DAZL: variants seen among roughly 807,000 people sequenced by gnomAD.
DAZL encodes deleted in azoospermia-like.
DAZL carries 4 observed loss-of-function variants against 45.0 expected under a neutral mutation model. That is an observed-to-expected ratio of 0.09 (90% confidence interval 0.04 to 0.20). DAZL has a LOEUF of 0.20. Ranked by LOEUF, DAZL falls within the 10% of genes least tolerant of loss-of-function variation. DAZL has a pLI of 1.00. For missense variants in DAZL, 326 were observed against 351.3 expected (o/e 0.93, Z 0.58); for synonymous variants, 122 against 112.4 (o/e 1.09, Z -0.54).
intron 8 of DAZL, 117 bp downstream of exon 8, chr3:16,594,415 CA>C: frequency 1.3e-6 from 1 of 783,708 alleles, no homozygotes; most frequent in Non-Finnish European, 2.0e-6. Context: ...CACATTAATA[CA>C]AAAAACTATT....
intron 1 of DAZL, 69 bp downstream of exon 1, chr3:16,605,134 C>G: frequency 6.2e-7 from 1 of 1,601,620 alleles, no homozygotes; most frequent in Non-Finnish European, 8.6e-7. Flanking sequence ...TCCGACCCTG[C>G]AGAGCCGAGT....
intron 1 of DAZL, among the ~76,000 whole-genome samples, chr3:16,599,797 G>GA (rs1694655810): frequency 6.6e-6 from 1 of 152,158 alleles, no homozygotes; most frequent in African/African-American, 2.4e-5. Flanking sequence ...ATAGCAGAGT[G>GA]AAACAAAAAT....
At chr3:16,597,316 G>A (rs1326271157) in intron 4 of DAZL, among the ~76,000 whole-genome samples, 174 bp downstream of exon 4, 1 of 152,024 alleles carries the variant, frequency 6.6e-6, no homozygotes, top group Non-Finnish European at 1.5e-5. Flanking sequence ...ATGAACCTAG[G>A]TGCCCAGTCA....
Position 16,605,410 on chromosome 3 carries a change from A to C in DAZL, c.-205T>G, listed in dbSNP as rs1384052491. ...CGAAAGGCGGACCGTCAGGCTGAGG[A>C]GCGCAGGCGGACTGAGGCGTGGTCC... On this transcript the variant is annotated 5_prime_UTR_variant, in exon 1 of 11. Transcript: ENST00000399444. 6.0e-6 allele frequency: 4 copies of C among 664,218 alleles called. No homozygotes were observed. Among genetic ancestry groups the C allele is most frequent in the East Asian group, 2.7e-5 (1 of 36,750 alleles). 41.1% of individuals were successfully genotyped at this position (664,218 alleles called of 1,614,324 possible).
Position 16,604,604 on chromosome 3 carries a change from C to G in DAZL, c.3+599G>C, listed in dbSNP as rs762341468. 2.7e-4 allele frequency: 372 copies of G among 1,382,994 alleles called. 1 individual carries two copies. The highest frequency in any genetic ancestry group is 7.1e-4 in the Admixed American group (22 of 31,104). 85.7% of individuals were successfully genotyped at this position (1,382,994 alleles called of 1,614,324 possible). A position where few individuals can be genotyped will look rare whatever the true frequency, so the allele number is the denominator to read the frequency against. On this transcript the variant is annotated intron_variant, in intron 1 of 10. Transcript: ENST00000399444. The stretch of plus-strand genomic sequence containing the variant: ...TGCCTTCAGGACGCCCCACACCCCA[C>G]GCTGAGGCCCCCACGAACCCCGCCC...
chr3:16,592,758 G>GAAAATTAC (rs1694540466), intron 9 of DAZL, among the ~76,000 whole-genome samples: 1 of 152,124 alleles, frequency 6.6e-6, no homozygotes, highest in Non-Finnish European at 1.5e-5. Context: ...GACAAAACCT[G>GAAAATTAC]AAAATTACAC....
At chr3:16,588,902 T>G (rs1042408611) in intron 10 of DAZL, among the ~76,000 whole-genome samples, 189 bp from the exon 11 acceptor site, 1 of 152,040 alleles carries the variant, frequency 6.6e-6, no homozygotes, top group Non-Finnish European at 1.5e-5. Context: ...ATGGCTAGTT[T>G]TATTAAACAG....
At chr3:16,595,043 AG>A (rs34865385) in intron 7 of DAZL, among the ~76,000 whole-genome samples, 21,264 of 152,078 alleles carry the variant, frequency 0.14, 1,914 homozygotes, top group East Asian at 0.46. Context: ...TTGACAGCAA[AG>A]ATGAAAAAAT....
At chr3:16,599,750 T>C (rs1694655175) in intron 1 of DAZL, among the ~76,000 whole-genome samples, 1 of 152,202 alleles carries the variant, frequency 6.6e-6, no homozygotes, top group Non-Finnish European at 1.5e-5. Context: ...TTTTCTGAAG[T>C]AGAATTTGTA....
intron 3 of DAZL, among the ~76,000 whole-genome samples, 169 bp downstream of exon 3, chr3:16,597,914 AAAAC>A (rs776870963): frequency 3.7e-4 from 56 of 152,366 alleles, no homozygotes; most frequent in South Asian, 8.3e-4. Context: ...AAGATATTCA[AAAAC>A]AAACATTAGA....
intron 3 of DAZL, 98 bp from the exon 4 acceptor site, chr3:16,597,639 T>G (rs74193997): frequency 1.3e-6 from 1 of 777,406 alleles, no homozygotes; most frequent in Non-Finnish European, 2.3e-6. Flanking sequence ...AAAATATGAA[T>G]AATATACTAT....
At position 16,605,393 on chromosome 3, in the gene DAZL, G is replaced by C. The variant is rs928695225; in HGVS notation, c.-188C>G. 7 of 714,118 alleles carry C rather than the reference G, an allele frequency of 9.8e-6. No homozygotes were observed. Among genetic ancestry groups the C allele is most frequent in the Non-Finnish European group, 1.7e-5 (7 of 405,208 alleles). 44.2% of individuals were successfully genotyped at this position (714,118 alleles called of 1,614,324 possible). On this transcript the variant is annotated 5_prime_UTR_variant, in exon 1 of 11. Coordinates refer to ENST00000399444, the MANE Select transcript of DAZL (RefSeq NM_001351.4). The stretch of plus-strand genomic sequence containing the variant: ...ACAAGGCTGAGGAGCCCCGAAAGGC[G>C]GACCGTCAGGCTGAGGAGCGCAGGC...
intron 9 of DAZL, 21 bp downstream of exon 9, chr3:16,593,634 T>C: frequency 1.4e-6 from 2 of 1,400,024 alleles, no homozygotes; most frequent in Non-Finnish European, 2.0e-6. Context: ...GAAATATATA[T>C]AAACAAAATT....
rs1694549748 is a variant in DAZL at position 16,593,367 on chromosome 3, GCTC to G, written c.735+285_735+287del. On this transcript the variant is annotated intron_variant, in intron 9 of 10. Coordinates refer to ENST00000399444, the MANE Select transcript of DAZL (RefSeq NM_001351.4). ...AATTATTTAAGATCTATAATTTATGGCTCCTATCTTGCCCAGGGTGGTCTCGAA... is the reference window on the plus strand; with the variant it reads ...AATTATTTAAGATCTATAATTTATGGCTATCTTGCCCAGGGTGGTCTCGAA... Among the ~76,000 whole-genome samples, 8 of 152,048 alleles carry G rather than the reference GCTC, an allele frequency of 5.3e-5. No homozygotes were observed. The South Asian group carries it at 1.7e-3, about 31-fold the overall frequency.
intron 8 of DAZL, 35 bp downstream of exon 8, chr3:16,594,495 AAAT>A (rs1304341904): frequency 1.0e-5 from 15 of 1,489,744 alleles, no homozygotes; most frequent in Non-Finnish European, 1.3e-5. Context: ...AAATACTTTA[AAAT>A]AACAGGAATT....
intron 1 of DAZL, 119 bp downstream of exon 1, chr3:16,605,084 A>G (rs1354078430): frequency 1.6e-6 from 2 of 1,289,376 alleles, no homozygotes; most frequent in Non-Finnish European, 2.3e-6. Flanking sequence ...GCGTCCAGGC[A>G]GGTGCCCCCC....
chr3:16,596,835 T>C lies in DAZL; in HGVS notation c.413A>G (p.Gln138Arg). The change falls in exon 6 of 11, where the codon CAG (glutamine) becomes CGG (arginine). Residue 138 changes from glutamine to arginine, a missense_variant. Around this residue, in one of 3 missense-constraint regions of DAZL, gnomAD observed 227 missense variants for 216.6 expected, o/e 1.05. Transcript: ENST00000399444. ...PLVFNHPPPP[Q>R]FQNVWTNPNT... ...TGGATTAGTCCAGACATTCTGAAAC[T>C]GTGGTGGAGGAGGATGATTAAAAAC... The C allele has an allele frequency of 6.2e-7, 1 of 1,613,878 alleles. No homozygotes were observed. The highest frequency in any genetic ancestry group is 8.5e-7 in the Non-Finnish European group (1 of 1,179,770).
chr3:16,594,335 T>C (rs1694564663), intron 8 of DAZL, among the ~76,000 whole-genome samples, 198 bp downstream of exon 8: 1 of 152,092 alleles, frequency 6.6e-6, no homozygotes, highest in African/African-American at 2.4e-5. Flanking sequence ...CACAAAAACC[T>C]GAGAGAAGAA....
intron 1 of DAZL, among the ~76,000 whole-genome samples, chr3:16,602,301 T>A (rs947902417): frequency 2.0e-5 from 3 of 152,174 alleles, no homozygotes; most frequent in African/African-American, 7.2e-5. Context: ...GACAAACTTG[T>A]AGAGAAATTT....
Sources: allele counts gnomAD v4.1 joint callset (sites outside exome capture counted in the v4.1 genomes callset), GRCh38; gene constraint gnomAD v4.1.1; regional missense constraint gnomAD v4.1.1; transcripts MANE v1.5; gene names NCBI Gene and HGNC (gene_info 2026-07-23, HGNC 2026-07-21).